Variants in ANGPT1 observed in about 807,000 individuals in gnomAD.
ANGPT1 encodes the protein angiopoietin-1.
Under a neutral mutation model 62.2 loss-of-function variants are expected in ANGPT1, and 17 were observed. The observed-to-expected ratio is 0.27, with a 90% CI of 0.19 to 0.41. The LOEUF (loss-of-function observed/expected upper bound fraction) is 0.41, where lower values mean the gene tolerates loss of function less well. Ranked by LOEUF, ANGPT1 falls within the 10% of genes least tolerant of loss-of-function variation. The pLI, the probability that ANGPT1 is intolerant of heterozygous loss-of-function variation, is 1.00. For missense variants in ANGPT1, 478 were observed against 594.9 expected (o/e 0.80, Z 2.04); for synonymous variants, 199 against 198.9 (o/e 1.00, Z 0.00).
chr8:107,303,704 G>T (rs987085163), intron 4 of ANGPT1, among the ~76,000 whole-genome samples: 2 of 151,632 alleles, frequency 1.3e-5, no homozygotes, highest in Admixed American at 1.3e-4. Context: ...TAGCAATTAC[G>T]TCAAGTTTCC....
intron 1 of ANGPT1, among the ~76,000 whole-genome samples, chr8:107,473,270 C>T (rs1397523865): frequency 1.3e-5 from 2 of 151,988 alleles, no homozygotes; most frequent in Non-Finnish European, 1.5e-5. Flanking sequence ...GCAGAACTAC[C>T]AAAGCATGCA....
intron 1 of ANGPT1, among the ~76,000 whole-genome samples, chr8:107,464,432 G>GA (rs1350179978): frequency 1.5e-4 from 23 of 151,812 alleles, no homozygotes; most frequent in African/African-American, 4.3e-4. Flanking sequence ...GAAATCAGTA[G>GA]AAAAAAAGTG....
At chr8:107,310,038 A>G (rs147228763) in intron 4 of ANGPT1, among the ~76,000 whole-genome samples, 1,806 of 152,274 alleles carry the variant, frequency 0.012, 31 homozygotes, top group African/African-American at 0.041. Flanking sequence ...TTAATTAAAC[A>G]TTTTTAAAAA....
At chr8:107,262,259 T>C (rs968250248) in intron 8 of ANGPT1, among the ~76,000 whole-genome samples, 1 of 152,210 alleles carries the variant, frequency 6.6e-6, no homozygotes, top group East Asian at 1.9e-4. Flanking sequence ...TATTCGTGGA[T>C]GAAGATAACA....
intron 1 of ANGPT1, among the ~76,000 whole-genome samples, chr8:107,394,230 G>C (rs1483105386): frequency 6.6e-6 from 1 of 152,152 alleles, no homozygotes; most frequent in Non-Finnish European, 1.5e-5. Flanking sequence ...CAGAACCATG[G>C]AGCTACAGTG....
chr8:107,385,677 G>T (rs1816718623), intron 1 of ANGPT1, among the ~76,000 whole-genome samples: 1 of 151,944 alleles, frequency 6.6e-6, no homozygotes, highest in Admixed American at 6.6e-5. Flanking sequence ...GCTGAATAGG[G>T]ATGGTGAAGG....
At chr8:107,264,503 T>C (rs563894608) in intron 7 of ANGPT1, 152 bp from the exon 8 acceptor site, 27 of 935,112 alleles carry the variant, frequency 2.9e-5, no homozygotes, top group Admixed American at 2.7e-4. Flanking sequence ...CCAAGCTATC[T>C]GAACCAAAAG....
At chr8:107,354,946 T>G (rs986132431) in intron 1 of ANGPT1, among the ~76,000 whole-genome samples, 32 of 150,478 alleles carry the variant, frequency 2.1e-4, no homozygotes, top group African/African-American at 7.9e-4. Context: ...AGGGAGTCTC[T>G]GTCACCCAGG....
chr8:107,487,565 A>T (rs1474477434), intron 1 of ANGPT1, among the ~76,000 whole-genome samples: 1 of 152,128 alleles, frequency 6.6e-6, no homozygotes, highest in African/African-American at 2.4e-5. Flanking sequence ...AAAAGAAAGA[A>T]AAAGAAAAAG....
rs10709941 is a variant in ANGPT1 at position 107,276,628 on chromosome 8, TAA to T, written c.1205+8052_1205+8053del. Among the ~76,000 whole-genome samples, 183 of 150,338 alleles carry T rather than the reference TAA, an allele frequency of 1.2e-3. 1 individual carries two copies. The highest frequency in any genetic ancestry group is 1.6e-3 in the African/African-American group (64 of 41,046). On this transcript the variant is annotated intron_variant, in intron 7 of 8. Transcript: ENST00000517746. The stretch of plus-strand genomic sequence containing the variant: ...ACGGCATGGGAGTACTTTAATGATT[TAA>T]AAAAAAAAAATGGATTGGGGAACTG...
chr8:107,328,097 T>A (rs1454655797), intron 3 of ANGPT1, among the ~76,000 whole-genome samples: 3 of 152,076 alleles, frequency 2.0e-5, no homozygotes, highest in Admixed American at 2.0e-4. Context: ...ATATAGCCCT[T>A]CAAACAAGGA....
intron 4 of ANGPT1, among the ~76,000 whole-genome samples, chr8:107,313,249 A>G (rs1814919813): frequency 6.6e-6 from 1 of 152,026 alleles, no homozygotes; most frequent in Admixed American, 6.6e-5. Context: ...AAGATGAGTA[A>G]TTCTTTGTAG....
intron 6 of ANGPT1, among the ~76,000 whole-genome samples, chr8:107,287,096 T>C (rs927037577): frequency 6.6e-6 from 1 of 152,176 alleles, no homozygotes. Context: ...GATTCCCTTT[T>C]CTGTGCAGTC....
intron 1 of ANGPT1, among the ~76,000 whole-genome samples, chr8:107,369,587 C>A (rs1816339919): frequency 6.6e-6 from 1 of 152,240 alleles, no homozygotes; most frequent in South Asian, 2.1e-4. Context: ...TTAATTATTT[C>A]TAGATTTTGC....
chr8:107,303,732 G>T (rs890748138), intron 4 of ANGPT1, among the ~76,000 whole-genome samples: 2 of 151,402 alleles, frequency 1.3e-5, no homozygotes, highest in Non-Finnish European at 2.9e-5. Context: ...TCTCTAAAAC[G>T]TTCTTACCTA....
At chr8:107,339,940 G>A (rs547335828) in intron 2 of ANGPT1, among the ~76,000 whole-genome samples, 4 of 152,272 alleles carry the variant, frequency 2.6e-5, no homozygotes, top group Admixed American at 2.6e-4. Context: ...CCGATCTAAA[G>A]ATCAGGGCAG....
intron 4 of ANGPT1, among the ~76,000 whole-genome samples, chr8:107,304,983 C>T (rs961856112): frequency 7.9e-5 from 12 of 151,844 alleles, no homozygotes; most frequent in African/African-American, 1.9e-4. Context: ...TATATAAATG[C>T]TTACTCAAAA....
At chr8:107,417,533 C>A (rs988261777) in intron 1 of ANGPT1, among the ~76,000 whole-genome samples, 1 of 132,810 alleles carries the variant, frequency 7.5e-6, no homozygotes, top group African/African-American at 2.4e-5. Context: ...CTCTGCAGAG[C>A]CATTTTTTTT....
chr8:107,307,579 G>C (rs562761301), intron 4 of ANGPT1, among the ~76,000 whole-genome samples: 1 of 151,560 alleles, frequency 6.6e-6, no homozygotes, highest in Admixed American at 6.6e-5. Flanking sequence ...CTTTCCCCTC[G>C]CGTTTTTTGT....
Sources: allele counts gnomAD v4.1 joint callset (sites outside exome capture counted in the v4.1 genomes callset), GRCh38; gene constraint gnomAD v4.1.1; transcripts MANE v1.5; gene names NCBI Gene and HGNC (gene_info 2026-07-23, HGNC 2026-07-21).